NEGR1: variants seen among roughly 807,000 people sequenced by gnomAD.
NEGR1 encodes IgLON family member 4.
Under a neutral mutation model 40.9 loss-of-function variants are expected in NEGR1, and 10 were observed. That is an observed-to-expected ratio of 0.24 (90% CI 0.15 to 0.42). The LOEUF (loss-of-function observed/expected upper bound fraction) is 0.42. NEGR1 is among the 10% of genes least tolerant of loss of function. The pLI, the probability that NEGR1 is intolerant of heterozygous loss-of-function variation, is 1.00. For missense variants in NEGR1, 352 were observed against 438.9 expected (o/e 0.80, Z 1.77); for synonymous variants, 185 against 166.8 (o/e 1.11, Z -0.84).
intron 6 of NEGR1, among the ~76,000 whole-genome samples, chr1:71,457,157 C>T (rs376509046): frequency 4.1e-4 from 63 of 152,128 alleles, no homozygotes; most frequent in African/African-American, 1.3e-3. Flanking sequence ...CTTTGTCTAC[C>T]ACATTCTCCA....
chr1:72,261,890 T>C (rs11209942), intron 1 of NEGR1, among the ~76,000 whole-genome samples: 13,007 of 149,442 alleles, frequency 0.087, 1,878 homozygotes, highest in African/African-American at 0.32. Flanking sequence ...AGGTGAGGGA[T>C]AAAAAATTAC....
intron 2 of NEGR1, among the ~76,000 whole-genome samples, chr1:71,878,531 T>C (rs925324223): frequency 1.3e-5 from 2 of 152,234 alleles, no homozygotes; most frequent in African/African-American, 4.8e-5. Context: ...ATTATTTCAT[T>C]TTACTTTGAA....
intron 1 of NEGR1, among the ~76,000 whole-genome samples, chr1:72,256,245 T>A (rs1330010392): frequency 6.6e-6 from 1 of 152,200 alleles, no homozygotes; most frequent in East Asian, 1.9e-4. Flanking sequence ...AGATGATAAT[T>A]AATATCTGCT....
chr1:71,868,357 G>A (rs985699820), intron 2 of NEGR1, among the ~76,000 whole-genome samples: 1 of 151,778 alleles, frequency 6.6e-6, no homozygotes. Context: ...TCTAACACAA[G>A]GGAAATCATA....
At position 72,159,737 on chromosome 1, in the gene NEGR1, G is replaced by T. The variant is rs112368613; in HGVS notation, c.176+122582C>A. ...CTGCGATTATTTTCTAAGAACTTTT[G>T]GGGGATACGATTACTCATATTTAAA... On this transcript the variant is annotated intron_variant, in intron 1 of 6. Transcript: ENST00000357731. 3.2e-3 allele frequency among the ~76,000 whole-genome samples: 488 copies of T among 151,986 alleles called. 3 individuals are homozygous for T. Among genetic ancestry groups the T allele is most frequent in the African/African-American group, 0.011 (468 of 41,480 alleles).
intron 2 of NEGR1, chr1:71,798,088 A>G (rs2101744589): frequency 6.6e-6 from 1 of 152,214 alleles, no homozygotes; most frequent in African/African-American, 2.4e-5. Context: ...TCCAGACTGG[A>G]TACTCTCTCC....
intron 1 of NEGR1, among the ~76,000 whole-genome samples, chr1:72,142,161 G>A (rs1650700956): frequency 6.6e-6 from 1 of 151,742 alleles, no homozygotes; most frequent in African/African-American, 2.4e-5. Context: ...CCAACTCCAT[G>A]CCCTCCTGAC....
chr1:72,160,190 T>C (rs1651501328), intron 1 of NEGR1, among the ~76,000 whole-genome samples: 1 of 152,052 alleles, frequency 6.6e-6, no homozygotes, highest in South Asian at 2.1e-4. Context: ...TTTTTCCAAC[T>C]CAAACAGCTG....
At chr1:72,184,123 T>G (rs987524696) in intron 1 of NEGR1, among the ~76,000 whole-genome samples, 6 of 152,028 alleles carry the variant, frequency 3.9e-5, no homozygotes, top group Admixed American at 3.3e-4. Context: ...ATCCCAGACT[T>G]TATGGGAAAG....
At chr1:72,110,830 T>TC (rs1169301540) in intron 1 of NEGR1, among the ~76,000 whole-genome samples, 4 of 151,618 alleles carry the variant, frequency 2.6e-5, no homozygotes, top group Non-Finnish European at 4.4e-5. Context: ...GATTTGTGAT[T>TC]TTCCACATAT....
At chr1:72,008,258 G>A (rs1646625767) in intron 1 of NEGR1, among the ~76,000 whole-genome samples, 1 of 152,074 alleles carries the variant, frequency 6.6e-6, no homozygotes, top group Non-Finnish European at 1.5e-5. Context: ...ATTAATCAAA[G>A]AAGGTTAGAA....
chr1:71,999,679 A>ATG (rs58528242), intron 1 of NEGR1, among the ~76,000 whole-genome samples: 1 of 44,826 alleles, frequency 2.2e-5, no homozygotes, highest in African/African-American at 6.6e-5. Context: ...ATATATATAT[A>ATG]CATACATATT....
chr1:72,052,161 G>A (rs561612547), intron 1 of NEGR1, among the ~76,000 whole-genome samples: 2 of 151,472 alleles, frequency 1.3e-5, no homozygotes, highest in East Asian at 1.9e-4. Context: ...AAATTAGCAG[G>A]TGGACAACTA....
At position 71,913,508 on chromosome 1, in the gene NEGR1, T is replaced by C. The variant is rs180740749; in HGVS notation, c.409+21571A>G. 1.5e-3 allele frequency among the ~76,000 whole-genome samples: 232 copies of C among 152,332 alleles called. 1 individual carries two copies. Among genetic ancestry groups the C allele is most frequent in the African/African-American group, 5.3e-3 (219 of 41,580 alleles). On this transcript the variant is annotated intron_variant, in intron 2 of 6. Transcript: ENST00000357731. ...GCATAATGTCACTTCTAAACCCATA[T>C]TTTGCATGTGACATTCCCATGTTCT...
intron 2 of NEGR1, 142 bp downstream of exon 2, chr1:71,934,937 C>G (rs1192051792): frequency 1.6e-6 from 1 of 626,366 alleles, no homozygotes; most frequent in Non-Finnish European, 2.8e-6. Flanking sequence ...TTCCTGAAAA[C>G]TATGACAATA....
intron 3 of NEGR1, among the ~76,000 whole-genome samples, chr1:71,713,826 G>A (rs1199736126): frequency 1.3e-5 from 2 of 152,120 alleles, no homozygotes; most frequent in Non-Finnish European, 2.9e-5. Context: ...CACACACAAT[G>A]TGTTCTTATA....
chr1:71,926,108 T>C (rs1259212774), intron 2 of NEGR1, among the ~76,000 whole-genome samples: 2 of 152,176 alleles, frequency 1.3e-5, no homozygotes, highest in African/African-American at 4.8e-5. Context: ...GCTTCAGGAA[T>C]TGTAAGAAAC....
intron 2 of NEGR1, among the ~76,000 whole-genome samples, chr1:71,822,136 G>C: frequency 6.6e-6 from 1 of 151,926 alleles, no homozygotes; most frequent in African/African-American, 2.4e-5. Context: ...GAGGGCTTTA[G>C]GCAGTGCAAC....
intron 2 of NEGR1, among the ~76,000 whole-genome samples, chr1:71,828,259 G>T (rs1658713711): frequency 6.6e-6 from 1 of 151,860 alleles, no homozygotes; most frequent in South Asian, 2.1e-4. Flanking sequence ...AAAGTGTTTA[G>T]TTCAGTTCTC....
Sources: gnomAD v4.1 joint callset for allele counts (sites outside exome capture counted in the v4.1 genomes callset) on GRCh38, gnomAD v4.1.1 for gene constraint, MANE v1.5 for transcripts, NCBI Gene and HGNC (gene_info 2026-07-23, HGNC 2026-07-21) for gene names.